PTPRO: variants seen among roughly 807,000 people sequenced by gnomAD.
PTPRO encodes the protein protein tyrosine phosphatase receptor type O, also known as receptor-type tyrosine-protein phosphatase O.
Under a neutral mutation model 145.2 loss-of-function variants are expected in PTPRO, and 62 were observed. The ratio of observed to expected loss-of-function variants is 0.43; its 90% CI spans 0.35 to 0.53. The LOEUF (loss-of-function observed/expected upper bound fraction) is 0.53, where lower values mean the gene tolerates loss of function less well. Ranked by LOEUF, PTPRO falls within the 20% of genes least tolerant of loss-of-function variation. PTPRO has a pLI of 0.01. For missense variants in PTPRO, 1,345 were observed against 1,482.7 expected (o/e 0.91, Z 1.53); for synonymous variants, 565 against 514.7 (o/e 1.10, Z -1.32).
chr12:15,502,743 G>T (rs537276231), intron 5 of PTPRO, among the ~76,000 whole-genome samples: 115 of 152,120 alleles, frequency 7.6e-4, no homozygotes, highest in Non-Finnish European at 1.3e-3. Context: ...AACAAGTTTG[G>T]GTCATGATAC....
chr12:15,369,259 T>C (rs900880567), intron 1 of PTPRO, among the ~76,000 whole-genome samples: 1 of 152,188 alleles, frequency 6.6e-6, no homozygotes, highest in African/African-American at 2.4e-5. Context: ...AAACATACCC[T>C]ATGATTAAAA....
chr12:15,514,451 C>CAAAAAA (rs71438353), intron 7 of PTPRO, among the ~76,000 whole-genome samples: 5 of 68,900 alleles, frequency 7.3e-5, no homozygotes, highest in African/African-American at 1.8e-4. Flanking sequence ...GACTCTGTCT[C>CAAAAAA]AAAAAAAAAA....
At chr12:15,446,158 C>T (rs905962782) in intron 1 of PTPRO, among the ~76,000 whole-genome samples, 1 of 152,048 alleles carries the variant, frequency 6.6e-6, no homozygotes, top group African/African-American at 2.4e-5. Context: ...AAAACAACAA[C>T]AACAACAAAT....
chr12:15,588,738 T>C (rs1169264107), intron 24 of PTPRO, among the ~76,000 whole-genome samples: 1 of 152,202 alleles, frequency 6.6e-6, no homozygotes, highest in Non-Finnish European at 1.5e-5. Flanking sequence ...AGTTTTGAGC[T>C]GATCTGAGGG....
At chr12:15,345,216 T>C (rs1306770362) in intron 1 of PTPRO, among the ~76,000 whole-genome samples, 2 of 152,208 alleles carry the variant, frequency 1.3e-5, no homozygotes, top group African/African-American at 4.8e-5. Flanking sequence ...ATGCAGATAG[T>C]TGATACTATA....
intron 17 of PTPRO, among the ~76,000 whole-genome samples, 187 bp downstream of exon 17, chr12:15,560,463 A>C (rs984646605): frequency 9.2e-5 from 14 of 152,058 alleles, no homozygotes; most frequent in Non-Finnish European, 1.8e-4. Context: ...TTTTCCGTTA[A>C]ATTTTTTTCC....
chr12:15,594,179 A>G (rs966452341), intron 25 of PTPRO, among the ~76,000 whole-genome samples: 3 of 152,120 alleles, frequency 2.0e-5, no homozygotes, highest in Admixed American at 6.5e-5. Flanking sequence ...TTTTTAAAAT[A>G]TACAGTAGAT....
At chr12:15,336,058 A>G (rs957405056) in intron 1 of PTPRO, among the ~76,000 whole-genome samples, 3 of 152,172 alleles carry the variant, frequency 2.0e-5, no homozygotes, top group African/African-American at 7.2e-5. Flanking sequence ...GAATTCTGTA[A>G]TAACATACAA....
At chr12:15,465,827 G>C (rs1941403066) in intron 1 of PTPRO, among the ~76,000 whole-genome samples, 1 of 152,090 alleles carries the variant, frequency 6.6e-6, no homozygotes, top group Non-Finnish European at 1.5e-5. Context: ...TGGTAAATAG[G>C]GGACTAATTG....
At chr12:15,445,225 G>A (rs1317166412) in intron 1 of PTPRO, among the ~76,000 whole-genome samples, 1 of 151,838 alleles carries the variant, frequency 6.6e-6, no homozygotes, top group Non-Finnish European at 1.5e-5. Context: ...TTCCTTTGTT[G>A]TTTATGTTTC....
chr12:15,499,219 G>A (rs1192281609), intron 3 of PTPRO, among the ~76,000 whole-genome samples: 1 of 152,084 alleles, frequency 6.6e-6, no homozygotes, highest in Non-Finnish European at 1.5e-5. Context: ...CTCCAATTGT[G>A]TTTGATCTGC....
intron 2 of PTPRO, among the ~76,000 whole-genome samples, chr12:15,486,209 GA>G (rs1489731807): frequency 6.6e-6 from 1 of 152,060 alleles, no homozygotes; most frequent in African/African-American, 2.4e-5. Context: ...TACATATTTT[GA>G]AGCTCTGTTG....
At chr12:15,369,544 A>G (rs1019285447) in intron 1 of PTPRO, among the ~76,000 whole-genome samples, 4 of 152,174 alleles carry the variant, frequency 2.6e-5, no homozygotes, top group Non-Finnish European at 4.4e-5. Context: ...CAAATATGCA[A>G]TTGGAATTAC....
chr12:15,424,928 G>C (rs73057298), intron 1 of PTPRO, among the ~76,000 whole-genome samples: 12,040 of 152,088 alleles, frequency 0.079, 659 homozygotes, highest in African/African-American at 0.15. Flanking sequence ...GAAAGAGATG[G>C]CTTCCTCAGG....
intron 9 of PTPRO, among the ~76,000 whole-genome samples, chr12:15,519,788 C>T (rs1942675475): frequency 6.6e-6 from 1 of 152,122 alleles, no homozygotes; most frequent in Non-Finnish European, 1.5e-5. Flanking sequence ...TACACAATTA[C>T]CCTCTACCCA....
At chr12:15,499,732 T>A (rs1303639803) in intron 4 of PTPRO, 138 bp downstream of exon 4, 5 of 1,020,170 alleles carry the variant, frequency 4.9e-6, no homozygotes, top group Non-Finnish European at 7.1e-6. Flanking sequence ...TAAAACAGAT[T>A]TTCTATCAAT....
chr12:15,374,723 T>C (rs1938629368), intron 1 of PTPRO, among the ~76,000 whole-genome samples: 1 of 152,186 alleles, frequency 6.6e-6, no homozygotes. Flanking sequence ...TTGTTTAACA[T>C]CACAGATGAC....
chr12:15,332,013 TGG>T (rs1866626892), intron 1 of PTPRO, among the ~76,000 whole-genome samples: 1 of 147,516 alleles, frequency 6.8e-6, no homozygotes, highest in Non-Finnish European at 1.5e-5. Context: ...CCACCAAGGC[TGG>T]AATGCAGTGA....
intron 12 of PTPRO, among the ~76,000 whole-genome samples, chr12:15,539,533 G>A (rs959310310): frequency 4.0e-5 from 6 of 151,846 alleles, no homozygotes; most frequent in South Asian, 2.1e-4. Flanking sequence ...AGGCCGAGGC[G>A]GGCAGATCAC....
Sources: allele counts gnomAD v4.1 joint callset (sites outside exome capture counted in the v4.1 genomes callset), GRCh38; gene constraint gnomAD v4.1.1; transcripts MANE v1.5; gene names NCBI Gene and HGNC (gene_info 2026-07-23, HGNC 2026-07-21).